Variants in DDB1 observed in about 807,000 individuals in gnomAD.
DDB1 encodes DNA damage-binding protein 1.
In DDB1, 18 loss-of-function variants were observed where a neutral mutation model predicts 133.1. The ratio of observed to expected loss-of-function variants is 0.14; its 90% CI spans 0.09 to 0.20. DDB1 has a LOEUF of 0.20. Ranked by LOEUF, DDB1 falls within the 10% of genes least tolerant of loss-of-function variation. DDB1 has a pLI of 1.00. For missense variants in DDB1, 828 were observed against 1,459.2 expected (o/e 0.57, Z 7.05); for synonymous variants, 580 against 550.5 (o/e 1.05, Z -0.75).
In DDB1 at chr11:61,314,072, T is replaced by C. The variant is rs199592721; in HGVS notation, c.1728A>G (p.Leu576=). 2.5e-6 allele frequency: 4 copies of C among 1,614,066 alleles called. No homozygotes were observed. The East Asian group carries it at 6.7e-5, about 27-fold the overall frequency. The change falls in exon 14 of 27, where the codon CTA becomes CTG. Residue 576 remains leucine (L), a synonymous_variant. Transcript: ENST00000301764. ...ARILKLPSFE[L]LHKEMLGGEI... ...CTCCACCCAGCATCTCCTTGTGCAG[T>C]AGTTCAAAAGAGGGCAACTTCAAGA...
chr11:61,326,986 A>G, intron 4 of DDB1, 93 bp from the exon 5 acceptor site: 1 of 857,582 alleles, frequency 1.2e-6, no homozygotes, highest in Non-Finnish European at 2.0e-6. Flanking sequence ...ACTACCCAGC[A>G]TCTGACAGTC....
At chr11:61,322,638 A>G in intron 8 of DDB1, 1 of 552,080 alleles carries the variant, frequency 1.8e-6, no homozygotes. Flanking sequence ...CCATGGATGG[A>G]TTTCAGAGAA....
intron 10 of DDB1, among the ~76,000 whole-genome samples, chr11:61,316,947 ATATATATATATAT>A (rs1856084485): frequency 2.8e-4 from 1 of 3,522 alleles, no homozygotes; most frequent in South Asian, 7.2e-3. Context: ...AAAAGGATAG[ATATATATATATAT>A]ATATATATAT....
rs775724542 is a variant in DDB1, at chr11:61,326,879, C to T, written c.564G>A (p.Arg188=). 6.2e-6 allele frequency: 10 copies of T among 1,613,772 alleles called. No homozygotes were observed. Among genetic ancestry groups the T allele is most frequent in the Non-Finnish European group, 6.8e-6 (8 of 1,179,860 alleles). The change falls in exon 5 of 27, where the codon CGG becomes CGA. Residue 188 remains arginine, a synonymous_variant. Transcript: ENST00000301764. ...GAGACACCTCATAGGTTTTTACGTG[C>T]CGCCCCTGAGGGTCCTGGGGGGGAA... ...ICFVYQDPQG[R]HVKTYEVSLR... is the part of the protein sequence containing the mutation.
At chr11:61,325,440 C>T (rs1452452022) in intron 6 of DDB1, among the ~76,000 whole-genome samples, 171 bp downstream of exon 6, 3 of 152,194 alleles carry the variant, frequency 2.0e-5, no homozygotes, top group East Asian at 1.9e-4. Flanking sequence ...GTAAGCAAAT[C>T]CAGGCTAATC....
At chr11:61,312,129 G>GA (rs1420777129) in intron 16 of DDB1, 45 bp from the exon 17 acceptor site, 1 of 1,576,236 alleles carries the variant, frequency 6.3e-7, no homozygotes, top group Non-Finnish European at 8.7e-7. Context: ...CTCAAGGAAG[G>GA]CAAAGATTCT....
At chr11:61,319,292 C>G (rs1271896391) in intron 10 of DDB1, among the ~76,000 whole-genome samples, 1 of 152,224 alleles carries the variant, frequency 6.6e-6, no homozygotes, top group Non-Finnish European at 1.5e-5. Flanking sequence ...TGAATTTCCA[C>G]ATGTAATTAT....
In DDB1 at chr11:61,316,500, G is replaced by T. The variant is rs751441419; in HGVS notation, c.1293C>A (p.Gly431=). ...TDDTLVLSFV[G]QTRVLMLNGE... is the part of the protein sequence containing the mutation. Reference sequence around the variant, plus strand: ...ACTAGACCCATCCTTACCTTGTCTGGCCCACAAAAGAGAGCACCAAAGTGT... The same window carrying T: ...ACTAGACCCATCCTTACCTTGTCTGTCCCACAAAAGAGAGCACCAAAGTGT... The change falls in exon 11 of 27, where the codon GGC becomes GGA. Residue 431 remains glycine (G), a synonymous_variant. Transcript: ENST00000301764. 8 of 1,614,100 alleles carry T rather than the reference G, an allele frequency of 5.0e-6. No individual in the cohort carries two copies. The highest frequency in any genetic ancestry group is 6.8e-6 in the Non-Finnish European group (8 of 1,180,022).
Position 61,313,591 on chromosome 11 carries a change from G to A in DDB1, c.1977C>T (p.Ile659=). The change falls in exon 16 of 27, where the codon ATC becomes ATT. Residue 659 remains isoleucine (I), a synonymous_variant. Coordinates refer to ENST00000301764, the MANE Select transcript of DDB1 (RefSeq NM_001923.5). ...AGACCAATTTGTGGTTGCTGCTATA[G>A]ATGACAGTGGGGCGGTCAGAACAAG... ...VFACSDRPTV[I]YSSNHKLVFS... The A allele has an allele frequency of 6.2e-7, 1 of 1,614,212 alleles. No individual in the cohort carries two copies.
At chr11:61,308,232 C>A (rs892878211) in intron 21 of DDB1, among the ~76,000 whole-genome samples, 1 of 152,258 alleles carries the variant, frequency 6.6e-6, no homozygotes, top group East Asian at 1.9e-4. Flanking sequence ...ACACCAGGCC[C>A]GCCCACTCTC....
chr11:61,324,225 C>G (rs1158712565), intron 6 of DDB1, 88 bp from the exon 7 acceptor site: 1 of 1,468,574 alleles, frequency 6.8e-7, no homozygotes, highest in African/African-American at 1.4e-5. Flanking sequence ...TTTACCAAAC[C>G]CAGCCATTTT....
intron 2 of DDB1, among the ~76,000 whole-genome samples, chr11:61,331,127 C>A (rs1477788595): frequency 6.6e-6 from 1 of 152,154 alleles, no homozygotes; most frequent in African/African-American, 2.4e-5. Context: ...TGTAGCCTAT[C>A]CTCTGAAACA....
chr11:61,303,199 T>G (rs772912137), intron 22 of DDB1, 44 bp from the exon 23 acceptor site: 2 of 1,573,550 alleles, frequency 1.3e-6, no homozygotes, highest in Non-Finnish European at 1.7e-6. Context: ...ATCAGCAGTT[T>G]GCACGGAATC....
Position 61,300,221 on chromosome 11 carries a change from TG to T in DDB1, c.3340-3del. On this transcript the variant is annotated splice_polypyrimidine_tract_variant and splice_region_variant and intron_variant, in intron 26 of 26. Coordinates refer to ENST00000301764, the MANE Select transcript of DDB1 (RefSeq NM_001923.5). ...CTTCATACCGCTGCCATCGTCATACTGCAATGAGAAGATGGGCGGGGCTGTG... is the reference window on the plus strand; with the variant it reads ...CTTCATACCGCTGCCATCGTCATACTCAATGAGAAGATGGGCGGGGCTGTG... The T allele has an allele frequency of 6.2e-7, 1 of 1,613,996 alleles. No individual in the cohort carries two copies. The highest frequency in any genetic ancestry group is 8.5e-7 in the Non-Finnish European group (1 of 1,179,958).
At position 61,302,624 on chromosome 11, in the gene DDB1, T is replaced by C; in HGVS notation, c.3070A>G (p.Thr1024Ala). ...GTGCCGAAGAGCACCGAGCCTTGTG[T>C]GGGGGTGGAAGTCTCACCCAGATTC... ...MQNLGETSTP[T>A]QGSVLFGTVN... is the part of the protein sequence containing the mutation. The change falls in exon 24 of 27, where the codon ACA (threonine) becomes GCA (alanine). Residue 1024 changes from threonine (T) to alanine (A), a missense_variant. By Grantham distance (58) the Thr-to-Ala change is moderately conservative. Coordinates refer to ENST00000301764, the MANE Select transcript of DDB1 (RefSeq NM_001923.5). The C allele has an allele frequency of 5.6e-6, 9 of 1,614,174 alleles. No individual in the cohort carries two copies. Among genetic ancestry groups the C allele is most frequent in the Non-Finnish European group, 7.6e-6 (9 of 1,180,028 alleles).
intron 24 of DDB1, 23 bp from the exon 25 acceptor site, chr11:61,302,382 G>C: frequency 6.2e-7 from 1 of 1,608,482 alleles, no homozygotes. Context: ...AGGAGGCAGT[G>C]AGCTGCAGAG....
chr11:61,309,749 T>C (rs752833153), intron 20 of DDB1, 47 bp downstream of exon 20: 4 of 1,586,190 alleles, frequency 2.5e-6, no homozygotes, highest in Non-Finnish European at 3.4e-6. Context: ...CTGCTGACTT[T>C]CTCAGCATTT....
intron 15 of DDB1, 76 bp downstream of exon 15, chr11:61,313,786 C>A (rs1028738208): frequency 6.3e-7 from 1 of 1,592,674 alleles, no homozygotes; most frequent in Non-Finnish European, 8.6e-7. Context: ...AAAAGCAGAA[C>A]CCTGGGACTA....
chr11:61,326,680 G>A (rs1158427913), intron 5 of DDB1, 99 bp downstream of exon 5: 13 of 901,748 alleles, frequency 1.4e-5, no homozygotes, highest in South Asian at 5.2e-5. Context: ...CAATAATACC[G>A]AGCGCCAAAA....
Sources: allele counts gnomAD v4.1 joint callset (sites outside exome capture counted in the v4.1 genomes callset), GRCh38; gene constraint gnomAD v4.1.1; transcripts MANE v1.5; gene names NCBI Gene and HGNC (gene_info 2026-07-23, HGNC 2026-07-21).